The following DLG4 variants were observed in gnomAD, a reference collection of about 807,000 sequenced individuals.
The protein encoded by DLG4 is disks large homolog 4.
A neutral mutation model predicts 93.8 loss-of-function variants in DLG4; 7 were observed. That is an observed-to-expected ratio of 0.07 (90% CI 0.04 to 0.14). DLG4 has a LOEUF of 0.14. DLG4 is among the 10% of genes least tolerant of loss of function. The pLI, the probability that DLG4 is intolerant of heterozygous loss-of-function variation, is 1.00. For missense variants in DLG4, 545 were observed against 992.9 expected (o/e 0.55, Z 6.06); for synonymous variants, 341 against 387.6 (o/e 0.88, Z 1.41).
At chr17:7,218,417 A>G (rs2071033772), upstream of DLG4, 1 of 1,370,962 alleles carries the variant, frequency 7.3e-7, no homozygotes, top group Admixed American at 2.0e-5. Flanking sequence ...CATGGAGGAC[A>G]CCATAGGCAG....
At chr17:7,212,825 G>A (rs2070760341) in intron 1 of DLG4, among the ~76,000 whole-genome samples, 1 of 152,026 alleles carries the variant, frequency 6.6e-6, no homozygotes, top group Admixed American at 6.6e-5. Flanking sequence ...ATGAGGTCAG[G>A]CGTTCCAGAC....
chr17:7,202,904 G>T lies in DLG4; in HGVS notation c.786C>A (p.Thr262=). The change falls in exon 8 of 20, where the codon ACC becomes ACA. Residue 262 remains threonine (T), a splice_region_variant and synonymous_variant. Coordinates refer to ENST00000399506, the MANE Select transcript of DLG4 (RefSeq NM_001321075.3). ...CTTTGGTGTTTGAAGGGCTCTCACA[G>T]GTTGTGATGTCTGGGGGAGCATAGC... is the stretch of plus-strand genomic sequence containing the variant. ...SDSYAPPDIT[T]SYSQHLDNEI... is the part of the protein sequence containing the mutation. The T allele has an allele frequency of 6.2e-7, 1 of 1,614,024 alleles. No individual in the cohort carries two copies. Among genetic ancestry groups the T allele is most frequent in the South Asian group, 1.1e-5 (1 of 91,092 alleles).
At position 7,204,418 on chromosome 17, in the gene DLG4, CGCACACGCGTGCACAT is replaced by C. The variant is rs1462675267; in HGVS notation, c.97-182_97-167del. Reference sequence around the variant, plus strand: ...CCAGCCTCAATCCACATCACACACACGCACACGCGTGCACATGCGCACGCGCACACACACGCACAGA... The same window carrying C: ...CCAGCCTCAATCCACATCACACACACGCGCACGCGCACACACACGCACAGA... On this transcript the variant is annotated intron_variant, in intron 2 of 19. Transcript: ENST00000399506. The C allele has an allele frequency of 9.3e-6, 6 of 642,156 alleles. No individual in the cohort carries two copies. The African/African-American group carries it at 1.1e-4, about 12-fold the overall frequency. 39.8% of individuals were successfully genotyped at this position (642,156 alleles called of 1,614,324 possible). A position where few individuals can be genotyped will look rare whatever the true frequency, so the allele number is the denominator to read the frequency against.
rs772367880 is a variant in DLG4, at chr17:7,203,643, C to G, written c.335+49G>C. The G allele has an allele frequency of 6.2e-7, 1 of 1,610,836 alleles. No individual in the cohort carries two copies. Among genetic ancestry groups the G allele is most frequent in the Non-Finnish European group, 8.5e-7 (1 of 1,177,408 alleles). ...GCCAAGAGCTTCCTGCTGCCCTGGC[C>G]CTCCCTCTCCAGGGACCAAGCAACC... On this transcript the variant is annotated intron_variant, in intron 5 of 19. Transcript: ENST00000399506. The surrounding 1 kb of genome is among the most constrained non-coding windows in gnomAD (Gnocchi z 7.2).
chr17:7,192,042 G>T, intron 17 of DLG4, 40 bp from the exon 18 acceptor site: 1 of 1,206,426 alleles, frequency 8.3e-7, no homozygotes, highest in Non-Finnish European at 1.1e-6. Flanking sequence ...GCCAGCGGGT[G>T]GCGAGAAAGG....
Position 7,191,810 on chromosome 17 carries a change from G to C in DLG4, c.1976+83C>G. 1 of 986,932 alleles carries C rather than the reference G, an allele frequency of 1.0e-6. No homozygotes were observed. The highest frequency in any genetic ancestry group is 1.5e-6 in the Non-Finnish European group (1 of 682,720). The allele number at this position is 986,932 out of a possible 1,614,324, so 61.1% of individuals were successfully genotyped here. On this transcript the variant is annotated intron_variant, in intron 18 of 19. Coordinates refer to ENST00000399506, the MANE Select transcript of DLG4 (RefSeq NM_001321075.3). This position sits in a 1 kb window ranked among gnomAD's most constrained non-coding sequence, Gnocchi z 6.6. ...AAACCGCTGTCCAGGGTTCTGAAGG[G>C]AGAGTTGAACGCAGACGCCTTGTGA...
Position 7,203,062 on chromosome 17 carries a change from A to G in DLG4, c.643-15T>C. The G allele has an allele frequency of 3.1e-6, 5 of 1,595,262 alleles. No homozygotes were observed. Among genetic ancestry groups the G allele is most frequent in the Non-Finnish European group, 4.3e-6 (5 of 1,164,736 alleles). Reference sequence around the variant, plus strand: ...ACACTGTTGACCTGGAGTCAAGGAAAGCAAAGCTCAGACAAAGCCACAAAT... The same window carrying G: ...ACACTGTTGACCTGGAGTCAAGGAAGGCAAAGCTCAGACAAAGCCACAAAT... On this transcript the variant is annotated splice_polypyrimidine_tract_variant and intron_variant, in intron 7 of 19. Coordinates refer to ENST00000399506, the MANE Select transcript of DLG4 (RefSeq NM_001321075.3). The surrounding 1 kb of genome is among the most constrained non-coding windows in gnomAD (Gnocchi z 7.2).
chr17:7,217,496 G>T lies in DLG4; in HGVS notation c.-349C>A. On this transcript the variant is annotated 5_prime_UTR_variant, in exon 1 of 20. Transcript: ENST00000399506. ...GGGGAGGGGAACTGGATTTCGGGGA[G>T]CCCCGGGGTAGGGGGGGGTCTTGCC... is the stretch of plus-strand genomic sequence containing the variant. 2.1e-5 allele frequency: 8 copies of T among 389,736 alleles called. No homozygotes were observed. The highest frequency in any genetic ancestry group is 2.9e-5 in the Non-Finnish European group (7 of 239,210). 24.1% of individuals were successfully genotyped at this position (389,736 alleles called of 1,614,324 possible). A position where few individuals can be genotyped will look rare whatever the true frequency, so the allele number is the denominator to read the frequency against.
chr17:7,196,713 C>T lies in DLG4; in HGVS notation c.1083+44G>A, dbSNP rs780470501. The T allele has an allele frequency of 3.8e-6, 6 of 1,583,282 alleles. No individual in the cohort carries two copies. In the East Asian group the frequency reaches 1.4e-4, roughly 37 times the overall value. On this transcript the variant is annotated intron_variant, in intron 9 of 19. Coordinates refer to ENST00000399506, the MANE Select transcript of DLG4 (RefSeq NM_001321075.3). The surrounding 1 kb of genome is among the most constrained non-coding windows in gnomAD (Gnocchi z 8.3). ...CTCCCCAAGAGCTCTGCGCTCTGCCCTGTGGGGAGGGGGTGGTGCAGGTAG... is the reference window on the plus strand; with the variant it reads ...CTCCCCAAGAGCTCTGCGCTCTGCCTTGTGGGGAGGGGGTGGTGCAGGTAG...
rs369032846 is a variant in DLG4 at position 7,189,251 on chromosome 17, G to A, written c.*1457C>T. Reference sequence around the variant, plus strand: ...TCACGCCTGTAATCCCAGCACTTTGGGAGGCTGAGGCGGGTGGATAACAAG... The same window carrying A: ...TCACGCCTGTAATCCCAGCACTTTGAGAGGCTGAGGCGGGTGGATAACAAG... On this transcript the variant is annotated 3_prime_UTR_variant, in exon 20 of 20. Coordinates refer to ENST00000399506, the MANE Select transcript of DLG4 (RefSeq NM_001321075.3). Among the ~76,000 whole-genome samples the A allele has an allele frequency of 6.6e-6, 1 of 151,540 alleles. No homozygotes were observed. The highest frequency in any genetic ancestry group is 1.5e-5 in the Non-Finnish European group (1 of 67,902).
At chr17:7,197,509 T>G (rs1018380611) in intron 8 of DLG4, among the ~76,000 whole-genome samples, 1 of 151,910 alleles carries the variant, frequency 6.6e-6, no homozygotes, top group African/African-American at 2.4e-5. Flanking sequence ...TTTTTGGGGT[T>G]TTTTTGAGAA....
chr17:7,196,693 CAA>C lies in DLG4; in HGVS notation c.1083+62_1083+63del, dbSNP rs1003400087. ...GCTGCAGCCCATCCAGGCCCCTCCC[CAA>C]GAGCTCTGCGCTCTGCCCTGTGGGG... On this transcript the variant is annotated intron_variant, in intron 9 of 19. Transcript: ENST00000399506. This position sits in a 1 kb window ranked among gnomAD's most constrained non-coding sequence, Gnocchi z 8.3. 1.9e-6 allele frequency: 3 copies of C among 1,580,230 alleles called. No individual in the cohort carries two copies. Among genetic ancestry groups the C allele is most frequent in the Non-Finnish European group, 1.7e-6 (2 of 1,163,216 alleles).
intron 1 of DLG4, among the ~76,000 whole-genome samples, chr17:7,212,034 C>T (rs944068561): frequency 1.3e-5 from 2 of 152,014 alleles, no homozygotes; most frequent in African/African-American, 4.8e-5. Flanking sequence ...CTCAGGGACC[C>T]CTTATTCCAT....
In DLG4 at chr17:7,190,860, G is replaced by T. The variant is rs200533385; in HGVS notation, c.2069-46C>A. 3.3e-6 allele frequency: 5 copies of T among 1,519,034 alleles called. No individual in the cohort carries two copies. In the Admixed American group the frequency reaches 6.7e-5, roughly 20 times the overall value. The allele number at this position is 1,519,034 out of a possible 1,614,324, so 94.1% of individuals were successfully genotyped here. ...GGAGTGAGGCCAAGGAAGGGCCAGA[G>T]GACACCTGGCCAAGGGGGTTGCACC... On this transcript the variant is annotated intron_variant, in intron 19 of 19. Coordinates refer to ENST00000399506, the MANE Select transcript of DLG4 (RefSeq NM_001321075.3).
Position 7,196,598 on chromosome 17 carries a change from T to A in DLG4, c.1084-23A>T, listed in dbSNP as rs1289344471. 6.2e-7 allele frequency: 1 copy of A among 1,613,166 alleles called. No individual in the cohort carries two copies. Among genetic ancestry groups the A allele is most frequent in the East Asian group, 2.2e-5 (1 of 44,872 alleles). ...GACCTAGAGAGAGGACGACAGGCTG[T>A]GTCACCAGAGACAGGAGGCAGCACT... On this transcript the variant is annotated intron_variant, in intron 9 of 19. Coordinates refer to ENST00000399506, the MANE Select transcript of DLG4 (RefSeq NM_001321075.3). The surrounding 1 kb of genome is among the most constrained non-coding windows in gnomAD (Gnocchi z 8.3).
chr17:7,193,886 C>T lies in DLG4; in HGVS notation c.1516-15G>A, dbSNP rs1322486067. The T allele has an allele frequency of 6.2e-7, 1 of 1,612,094 alleles. No homozygotes were observed. Among genetic ancestry groups the T allele is most frequent in the Non-Finnish European group, 8.5e-7 (1 of 1,179,156 alleles). On this transcript the variant is annotated splice_polypyrimidine_tract_variant and intron_variant, in intron 13 of 19. Transcript: ENST00000399506. This position sits in a 1 kb window ranked among gnomAD's most constrained non-coding sequence, Gnocchi z 6.7. ...GAGCCCCAGTCCTAAGAAGAAAAAGCAGGCCACGGGGTTAGTTATGAGCTC... is the reference window on the plus strand; with the variant it reads ...GAGCCCCAGTCCTAAGAAGAAAAAGTAGGCCACGGGGTTAGTTATGAGCTC...
At chr17:7,205,201 G>C (rs955850849) in intron 2 of DLG4, 11 of 980,804 alleles carry the variant, frequency 1.1e-5, no homozygotes, top group Non-Finnish European at 1.3e-5. Flanking sequence ...AGTGGTGAAA[G>C]ACATCCGGGT....
rs1172362387 is a variant in DLG4 at position 7,187,653 on chromosome 17, G to A, written c.*3055C>T. 1.3e-5 allele frequency among the ~76,000 whole-genome samples: 2 copies of A among 151,994 alleles called. No homozygotes were observed. Among genetic ancestry groups the A allele is most frequent in the Non-Finnish European group, 2.9e-5 (2 of 68,014 alleles). ...GCCCCTTCTAGTTTAACACGCAGAC[G>A]CATTACCTGCACACACCTTCCTCAG... On this transcript the variant is annotated 3_prime_UTR_variant, in exon 20 of 20. Transcript: ENST00000399506.
chr17:7,192,000 C>T lies in DLG4; in HGVS notation c.1869G>A (p.Gly623=). The T allele has an allele frequency of 3.5e-6, 5 of 1,432,164 alleles. No homozygotes were observed. Among genetic ancestry groups the T allele is most frequent in the Middle Eastern group, 1.9e-4 (1 of 5,252 alleles). 88.7% of individuals were successfully genotyped at this position (1,432,164 alleles called of 1,614,324 possible). Residue 623 remains glycine, a splice_region_variant and synonymous_variant, in exon 18 of 20, where the codon GGG becomes GGA. Coordinates refer to ENST00000399506, the MANE Select transcript of DLG4 (RefSeq NM_001321075.3). This position sits in a 1 kb window ranked among gnomAD's most constrained non-coding sequence, Gnocchi z 6.6. ...VQSVREVAEQ[G]KHCILDVSAN... ...CCGAGACATCGAGGATGCAGTGCTT[C>T]CCCTGGGGGCAGGCAGGGTGGGCGG...
Sources: allele counts gnomAD v4.1 joint callset (sites outside exome capture counted in the v4.1 genomes callset), GRCh38; gene constraint gnomAD v4.1.1; non-coding constraint Gnocchi (gnomAD v3.1); transcripts MANE v1.5; gene names NCBI Gene and HGNC (gene_info 2026-07-23, HGNC 2026-07-21).